FHDC1: variants seen among roughly 807,000 people sequenced by gnomAD.
FHDC1 encodes the protein FH2 domain containing 1.
Under a neutral mutation model 52.6 loss-of-function variants are expected in FHDC1, and 25 were observed. The ratio of observed to expected loss-of-function variants is 0.48; its 90% confidence interval spans 0.35 to 0.66. The LOEUF is 0.66. Ranked by LOEUF, FHDC1 falls within the 30% of genes least tolerant of loss-of-function variation. The pLI, the probability that FHDC1 is intolerant of heterozygous loss-of-function variation, is 0.01. For missense variants in FHDC1, 1,459 were observed against 1,452.8 expected (o/e 1.00, Z -0.07); for synonymous variants, 616 against 581.5 (o/e 1.06, Z -0.85).
the FHDC1 span, among the ~76,000 whole-genome samples, chr4:152,924,502 A>G: frequency 6.6e-6 from 1 of 152,212 alleles, no homozygotes; most frequent in African/African-American, 2.4e-5. Flanking sequence ...CAGCCATCCC[A>G]TTACTGGGTA....
At position 152,975,398 on chromosome 4, in the gene FHDC1, C is replaced by T. The variant is rs771220728; in HGVS notation, c.2107C>T (p.Pro703Ser). The T allele has an allele frequency of 4.3e-6, 7 of 1,613,518 alleles. No individual in the cohort carries two copies. The Admixed American group carries it at 1.0e-4, about 23-fold the overall frequency. ...TSQLTLSDFS[P>S]MELESVGHRG... ...CCAGCTGACTCTGAGTGACTTCAGC[C>T]CGATGGAGCTAGAGTCTGTGGGGCA... Residue 703 changes from proline to serine, a missense_variant, in exon 12 of 12, where the codon CCG (proline) becomes TCG (serine). Physicochemically the swap from Pro to Ser is moderately conservative, Grantham distance 74. Transcript: ENST00000511601.
In FHDC1 at chr4:152,976,789, G is replaced by A. The variant is rs1006080536; in HGVS notation, c.*66G>A. ...GAAGACTGACTTCTGGGACGAGGATGGGGAAAGAGGCAGCATGTCTTTGTT... is the reference window on the plus strand; with the variant it reads ...GAAGACTGACTTCTGGGACGAGGATAGGGAAAGAGGCAGCATGTCTTTGTT... On this transcript the variant is annotated 3_prime_UTR_variant, in exon 12 of 12. Coordinates refer to ENST00000511601, the MANE Select transcript of FHDC1 (RefSeq NM_001371116.1). 6 of 1,439,114 alleles carry A rather than the reference G, an allele frequency of 4.2e-6. No homozygotes were observed. Among genetic ancestry groups the A allele is most frequent in the Non-Finnish European group, 5.5e-6 (6 of 1,092,072 alleles). 89.1% of individuals were successfully genotyped at this position (1,439,114 alleles called of 1,614,324 possible).
chr4:152,928,689 C>T, the FHDC1 span, among the ~76,000 whole-genome samples: 5 of 152,048 alleles, frequency 3.3e-5, no homozygotes, highest in South Asian at 2.1e-4. Flanking sequence ...AGAACTGACC[C>T]GGGTGATGAA....
At chr4:152,963,764 GCTTTGTTTTTTT>G (rs1740358717) in intron 8 of FHDC1, among the ~76,000 whole-genome samples, 2 of 71,186 alleles carry the variant, frequency 2.8e-5, no homozygotes, top group African/African-American at 1.1e-4. Flanking sequence ...CCTATCCATT[GCTTTGTTTTTTT>G]TTTTTTTTTT....
At chr4:152,913,253 C>T in the FHDC1 span, among the ~76,000 whole-genome samples, 1 of 152,214 alleles carries the variant, frequency 6.6e-6, no homozygotes. Context: ...TGGCTTCATA[C>T]TAGGTAGATT....
At chr4:152,924,290 C>A in the FHDC1 span, among the ~76,000 whole-genome samples, 2 of 152,076 alleles carry the variant, frequency 1.3e-5, no homozygotes, top group Non-Finnish European at 2.9e-5. Context: ...CAGAGAAACG[C>A]AAATCAAAAC....
intron 4 of FHDC1, among the ~76,000 whole-genome samples, chr4:152,957,007 C>T (rs1740107377): frequency 6.6e-6 from 1 of 152,174 alleles, no homozygotes; most frequent in African/African-American, 2.4e-5. Context: ...TAAGGACAAA[C>T]TTTTTTGTGT....
intron 3 of FHDC1, 37 bp downstream of exon 3, chr4:152,953,597 C>A: frequency 6.5e-7 from 1 of 1,544,582 alleles, no homozygotes; most frequent in Non-Finnish European, 8.9e-7. Flanking sequence ...TTAGTCATAT[C>A]CCTGCTGTCA....
chr4:152,943,623 C>T, intron 2 of FHDC1, 68 bp downstream of exon 2: 1 of 1,500,238 alleles, frequency 6.7e-7, no homozygotes, highest in South Asian at 1.3e-5. Context: ...GATGTGTGTA[C>T]ATTTCAAATA....
chr4:152,958,298 T>G (rs892940441), intron 4 of FHDC1, among the ~76,000 whole-genome samples: 3 of 152,206 alleles, frequency 2.0e-5, no homozygotes, highest in Non-Finnish European at 2.9e-5. Context: ...TAACCATGTT[T>G]AATCAATGTT....
At chr4:152,961,129 G>C (rs1027744217) in intron 6 of FHDC1, among the ~76,000 whole-genome samples, 1 of 152,166 alleles carries the variant, frequency 6.6e-6, no homozygotes, top group South Asian at 2.1e-4. Context: ...TTTCTCTCCT[G>C]GATGAGCTTT....
rs766619078 is a variant in FHDC1 at position 152,943,271 on chromosome 4, A to G, written c.214A>G (p.Ile72Val). 6.0e-5 allele frequency: 26 copies of G among 430,608 alleles called. No individual in the cohort carries two copies. In the East Asian group the frequency reaches 3.0e-3, roughly 49 times the overall value. The allele number at this position is 430,608 out of a possible 1,614,324, so 26.7% of individuals were successfully genotyped here. A position where few individuals can be genotyped will look rare whatever the true frequency, so the allele number is the denominator to read the frequency against. The change falls in exon 2 of 12, where the codon ATC (isoleucine) becomes GTC (valine). Residue 72 changes from isoleucine to valine, a missense_variant. Transcript: ENST00000511601. ...PPPPLPGEPP[I>V]PPPPPGLPPT... ...ACCTCCACTTCCTGGGGAGCCTCCC[A>G]TCCCACCTCCCCCACCAGGCCTACC...
At chr4:152,972,187 C>A (rs1157620208) in intron 10 of FHDC1, among the ~76,000 whole-genome samples, 190 bp from the exon 11 acceptor site, 2 of 152,032 alleles carry the variant, frequency 1.3e-5, no homozygotes, top group Non-Finnish European at 2.9e-5. Context: ...CCTTGCTTTC[C>A]CCGAGGTTTG....
At chr4:152,937,913 G>A (rs972355017) in intron 1 of FHDC1, among the ~76,000 whole-genome samples, 1 of 152,118 alleles carries the variant, frequency 6.6e-6, no homozygotes, top group Non-Finnish European at 1.5e-5. Flanking sequence ...GGACCGGGGT[G>A]CCGGGTTGGG....
intron 8 of FHDC1, among the ~76,000 whole-genome samples, chr4:152,964,047 G>C (rs1480148408): frequency 6.6e-6 from 1 of 152,000 alleles, no homozygotes; most frequent in Non-Finnish European, 1.5e-5. Context: ...ACTGTCCTTT[G>C]CTAGCTCTAC....
chr4:152,949,291 C>A (rs1739853222), intron 2 of FHDC1, among the ~76,000 whole-genome samples: 1 of 151,952 alleles, frequency 6.6e-6, no homozygotes, highest in Admixed American at 6.6e-5. Context: ...GCCTGGGCAA[C>A]ATAGTGAGAC....
the FHDC1 span, among the ~76,000 whole-genome samples, chr4:152,926,303 C>CACACACACACACACACAT: frequency 4.3e-5 from 6 of 141,072 alleles, no homozygotes; most frequent in Non-Finnish European, 9.3e-5. Flanking sequence ...CACACACACA[C>CACACACACACACACACAT]AAACAATACA....
At chr4:152,913,427 A>G in the FHDC1 span, among the ~76,000 whole-genome samples, 10 of 152,258 alleles carry the variant, frequency 6.6e-5, no homozygotes, top group Non-Finnish European at 1.5e-4. Context: ...TAATTGAAAG[A>G]ATAATGTAGC....
chr4:152,952,698 G>T (rs1183896210), intron 2 of FHDC1, among the ~76,000 whole-genome samples: 2 of 152,154 alleles, frequency 1.3e-5, no homozygotes, highest in East Asian at 3.8e-4. Flanking sequence ...TAAGACTTGA[G>T]CATCGTTAGA....
Sources: gnomAD v4.1 joint callset for allele counts (sites outside exome capture counted in the v4.1 genomes callset) on GRCh38, gnomAD v4.1.1 for gene constraint, MANE v1.5 for transcripts, NCBI Gene and HGNC (gene_info 2026-07-23, HGNC 2026-07-21) for gene names.